Variants in CNTNAP4 observed in about 807,000 individuals in gnomAD.
CNTNAP4 encodes the protein contactin associated protein family member 4, also known as contactin-associated protein-like 4.
A neutral mutation model predicts 148.4 loss-of-function variants in CNTNAP4; 98 were observed. The ratio of observed to expected loss-of-function variants is 0.66; its 90% CI spans 0.56 to 0.78. CNTNAP4 has a LOEUF of 0.78. CNTNAP4 is among the 30% of genes least tolerant of loss of function. The probability of loss-of-function intolerance (pLI) is 0.00; values close to 1 mark genes in which losing one functional copy is unlikely to be tolerated. For synonymous variants in CNTNAP4, 730 were observed against 565.1 expected, an observed-to-expected ratio of 1.29 and a Z score of -4.14; for missense variants, 1,935 against 1,565.6, an observed-to-expected ratio of 1.24 and a Z score of -3.98.
chr16:76,350,323 G>C (rs759475505), intron 2 of CNTNAP4, among the ~76,000 whole-genome samples: 2 of 152,016 alleles, frequency 1.3e-5, no homozygotes, highest in Non-Finnish European at 1.5e-5. Flanking sequence ...AATTTACTTA[G>C]CCTCTGTAAA....
At chr16:76,532,926 G>A (rs2084048255) in intron 17 of CNTNAP4, among the ~76,000 whole-genome samples, 2 of 152,070 alleles carry the variant, frequency 1.3e-5, no homozygotes, top group African/African-American at 4.8e-5. Context: ...CTTCAAGAAC[G>A]GCAGGTCCTC....
chr16:76,542,257 G>A (rs183666540), intron 21 of CNTNAP4, among the ~76,000 whole-genome samples: 1 of 152,308 alleles, frequency 6.6e-6, no homozygotes, highest in Non-Finnish European at 1.5e-5. Context: ...CACTGTGGAG[G>A]TAAGAACATT....
At chr16:76,293,189 A>G (rs1959169708) in intron 1 of CNTNAP4, among the ~76,000 whole-genome samples, 2 of 151,360 alleles carry the variant, frequency 1.3e-5, no homozygotes. Flanking sequence ...CAGTGGTGCA[A>G]TCTCGGCTAA....
In CNTNAP4 at chr16:76,505,244, T is replaced by G. The variant is rs377669826; in HGVS notation, c.2365+6550T>G. On this transcript the variant is annotated intron_variant, in intron 15 of 23. Coordinates refer to ENST00000611870, the MANE Select transcript of CNTNAP4 (RefSeq NM_033401.5). Reference sequence around the variant, plus strand: ...TTATCAACTAGTGAAAGGATACACGTTCCATTTTACTGTGGTGTACCCACA... The same window carrying G: ...TTATCAACTAGTGAAAGGATACACGGTCCATTTTACTGTGGTGTACCCACA... Among the ~76,000 whole-genome samples the G allele has an allele frequency of 9.7e-5, 4 of 41,370 alleles. 1 individual carries two copies. The highest frequency in any genetic ancestry group is 3.2e-4 in the Non-Finnish European group (2 of 6,294). 27.1% of individuals were successfully genotyped at this position (41,370 alleles called of 152,430 possible).
chr16:76,460,767 A>AT (rs1394712059), intron 8 of CNTNAP4, among the ~76,000 whole-genome samples: 1,934 of 39,934 alleles, frequency 0.048, 182 homozygotes, highest in African/African-American at 0.12. Flanking sequence ...AAAAAAAAAA[A>AT]AAAAAAATAT....
intron 15 of CNTNAP4, among the ~76,000 whole-genome samples, chr16:76,519,204 G>A (rs1011417010): frequency 3.9e-5 from 6 of 152,112 alleles, no homozygotes; most frequent in East Asian, 1.9e-4. Flanking sequence ...TTTTGTGAAC[G>A]TATAAAATAA....
In CNTNAP4 at chr16:76,514,751, A is replaced by G. The variant is rs142835546; in HGVS notation, c.2366-6389A>G. Among the ~76,000 whole-genome samples the G allele has an allele frequency of 5.4e-3, 610 of 112,640 alleles. 3 individuals carry two copies. The highest frequency in any genetic ancestry group is 0.015 in the African/African-American group (568 of 39,162). 73.9% of individuals were successfully genotyped at this position (112,640 alleles called of 152,430 possible). A position where few individuals can be genotyped will look rare whatever the true frequency, so the allele number is the denominator to read the frequency against. On this transcript the variant is annotated intron_variant, in intron 15 of 23. Transcript: ENST00000611870. ...AATAAATAGTTGAAAACAATAATAG[A>G]TGTGCTAAAAAGAGGAACCAGTGAA... is the stretch of plus-strand genomic sequence containing the variant.
chr16:76,380,539 C>T (rs568864739), intron 3 of CNTNAP4, among the ~76,000 whole-genome samples: 2 of 152,156 alleles, frequency 1.3e-5, no homozygotes, highest in African/African-American at 4.8e-5. Context: ...TTTAAAAATG[C>T]TTGTGATTAC....
chr16:76,355,295 C>T (rs747811398), intron 2 of CNTNAP4, 23 bp from the exon 3 acceptor site: 1 of 1,483,448 alleles, frequency 6.7e-7, no homozygotes, highest in Non-Finnish European at 9.0e-7. Context: ...TCAATTTTCT[C>T]CTGTTTCTAT....
intron 4 of CNTNAP4, among the ~76,000 whole-genome samples, chr16:76,445,644 A>C (rs1236688680): frequency 6.6e-6 from 1 of 152,190 alleles, no homozygotes; most frequent in Non-Finnish European, 1.5e-5. Context: ...TAGGTGCCAC[A>C]GAAGATACAT....
intron 3 of CNTNAP4, among the ~76,000 whole-genome samples, chr16:76,359,023 A>T (rs1412162306): frequency 6.6e-6 from 1 of 152,210 alleles, no homozygotes; most frequent in African/African-American, 2.4e-5. Flanking sequence ...GGAAAATTGA[A>T]ATATGGTGAA....
chr16:76,475,098 AC>A (rs991146165), intron 10 of CNTNAP4, among the ~76,000 whole-genome samples: 14 of 151,732 alleles, frequency 9.2e-5, no homozygotes, highest in Non-Finnish European at 1.5e-4. Flanking sequence ...CCCTGCTTGA[AC>A]CCAGGAGGCG....
chr16:76,497,856 A>G (rs1397021484), intron 14 of CNTNAP4, among the ~76,000 whole-genome samples: 2 of 152,062 alleles, frequency 1.3e-5, no homozygotes, highest in Non-Finnish European at 2.9e-5. Flanking sequence ...ATAAAATAAA[A>G]TGCTACAACA....
intron 4 of CNTNAP4, among the ~76,000 whole-genome samples, chr16:76,435,231 A>G (rs996035876): frequency 6.6e-6 from 1 of 152,100 alleles, no homozygotes; most frequent in African/African-American, 2.4e-5. Context: ...AATTCAAATG[A>G]GTCTTTTGTC....
chr16:76,500,109 G>C (rs1034510441), intron 15 of CNTNAP4, among the ~76,000 whole-genome samples: 1 of 152,066 alleles, frequency 6.6e-6, no homozygotes, highest in African/African-American at 2.4e-5. Flanking sequence ...GGGCAGAGGG[G>C]CTCCGCACTT....
At chr16:76,350,162 A>G (rs1019238012) in intron 2 of CNTNAP4, among the ~76,000 whole-genome samples, 3 of 152,256 alleles carry the variant, frequency 2.0e-5, no homozygotes, top group East Asian at 3.9e-4. Flanking sequence ...GATAAAATAT[A>G]CTACTATGAG....
chr16:76,333,524 C>G (rs180987975), intron 2 of CNTNAP4, among the ~76,000 whole-genome samples: 5 of 152,020 alleles, frequency 3.3e-5, no homozygotes, highest in Non-Finnish European at 7.4e-5. Context: ...ACATTGTTTC[C>G]TTTAGCTCTT....
At position 76,550,160 on chromosome 16, in the gene CNTNAP4, AATCC is replaced by A. The variant is rs372386614; in HGVS notation, c.3443-3119_3443-3116del. On this transcript the variant is annotated intron_variant, in intron 21 of 23. Coordinates refer to ENST00000611870, the MANE Select transcript of CNTNAP4 (RefSeq NM_033401.5). ...TAAAATAAACACATAAATATAACCT[AATCC>A]ATCAGGGTAATTTTCTGTTCCAGTT... is the stretch of plus-strand genomic sequence containing the variant. Among the ~76,000 whole-genome samples, 526 of 152,290 alleles carry A rather than the reference AATCC, an allele frequency of 3.5e-3. 7 individuals are homozygous for A. Among genetic ancestry groups the A allele is most frequent in the African/African-American group, 0.01 (430 of 41,562 alleles).
At chr16:76,308,738 A>T (rs1227987188) in intron 1 of CNTNAP4, among the ~76,000 whole-genome samples, 1 of 152,236 alleles carries the variant, frequency 6.6e-6, no homozygotes, top group Non-Finnish European at 1.5e-5. Flanking sequence ...TGATGCTACC[A>T]GGCAGTTAGG....
Sources: gnomAD v4.1 joint callset for allele counts (sites outside exome capture counted in the v4.1 genomes callset) on GRCh38, gnomAD v4.1.1 for gene constraint, MANE v1.5 for transcripts, NCBI Gene and HGNC (gene_info 2026-07-23, HGNC 2026-07-21) for gene names.